Variants in SOBP observed in about 807,000 individuals in gnomAD.
SOBP encodes the protein sine oculis binding protein homolog, also known as sine oculis-binding protein homolog.
In SOBP, 4 loss-of-function variants were observed where a neutral mutation model predicts 53.6. The observed-to-expected ratio is 0.07, with a 90% CI of 0.04 to 0.17. The LOEUF (loss-of-function observed/expected upper bound fraction) is 0.17. SOBP is among the 10% of genes least tolerant of loss of function. SOBP has a pLI of 1.00. For missense variants in SOBP, 1,088 were observed against 1,204.7 expected, an observed-to-expected ratio of 0.90 and a Z score of 1.43; for synonymous variants, 584 against 522.6, an observed-to-expected ratio of 1.12 and a Z score of -1.60.
At chr6:107,501,047 G>T (rs75419684) in intron 1 of SOBP, among the ~76,000 whole-genome samples, 1 of 151,994 alleles carries the variant, frequency 6.6e-6, no homozygotes, top group East Asian at 1.9e-4. Flanking sequence ...AAACATTAAG[G>T]TGTTTATTTT....
chr6:107,634,015 G>A lies in SOBP; in HGVS notation c.1171G>A (p.Gly391Ser). Reference protein sequence around the residue: ...RSPPMVMTNRGPVPLPIFMEQ... With the variant: ...RSPPMVMTNRSPVPLPIFMEQ... ...CCCTCCCATGGTGATGACCAACCGC[G>A]GCCCGGTGCCGCTGCCCATCTTCAT... Residue 391 changes from glycine (G) to serine (S), a missense_variant, in exon 6 of 7, where the codon GGC becomes AGC. Physicochemically the swap from Gly to Ser is moderately conservative, Grantham distance 56. This residue lies in a region of SOBP where 211 missense variants were observed against 258.9 expected (regional missense o/e 0.82). Transcript: ENST00000317357. This position sits in a 1 kb window ranked among gnomAD's most constrained non-coding sequence, Gnocchi z 4.5. 6.2e-7 allele frequency: 1 copy of A among 1,612,774 alleles called. No homozygotes were observed. The highest frequency in any genetic ancestry group is 8.5e-7 in the Non-Finnish European group (1 of 1,179,272).
chr6:107,492,319 T>TG (rs1245524138), intron 1 of SOBP, among the ~76,000 whole-genome samples: 2 of 151,168 alleles, frequency 1.3e-5, no homozygotes, highest in African/African-American at 4.9e-5. Context: ...AGGTTGGGGG[T>TG]GGGGAAGGGG....
intron 6 of SOBP, among the ~76,000 whole-genome samples, chr6:107,654,813 A>C (rs1354039854): frequency 1.1e-5 from 1 of 88,316 alleles, no homozygotes; most frequent in African/African-American, 8.1e-5. Context: ...AGGAGGAATC[A>C]GGGCTCTGAG....
intron 4 of SOBP, among the ~76,000 whole-genome samples, chr6:107,535,637 GT>G (rs1196256220): frequency 2.0e-3 from 275 of 135,270 alleles, no homozygotes; most frequent in African/African-American, 3.2e-3. Context: ...GTGTGTGTGT[GT>G]TTTTTTTTTT....
At position 107,490,702 on chromosome 6, in the gene SOBP, A is replaced by G. The variant is rs1353324593; in HGVS notation, c.86A>G (p.Glu29Gly). ...PAHPVKREIN[E>G]EMKNFAENTM... ...CACCCAGTGAAAAGGGAGATCAATG[A>G]GGAGATGAAGGTATTTTTTGATCTC... The change falls in exon 1 of 7, where the codon GAG (glutamate) becomes GGG (glycine). Residue 29 changes from glutamate (E) to glycine (G), a missense_variant. By Grantham distance (98) the Glu-to-Gly change is moderately conservative. Coordinates refer to ENST00000317357, the MANE Select transcript of SOBP (RefSeq NM_018013.4). 6.2e-7 allele frequency: 1 copy of G among 1,602,804 alleles called. No homozygotes were observed. Among genetic ancestry groups the G allele is most frequent in the Non-Finnish European group, 8.5e-7 (1 of 1,173,938 alleles).
intron 4 of SOBP, 21 bp downstream of exon 4, chr6:107,533,631 G>A: frequency 6.2e-7 from 1 of 1,613,258 alleles, no homozygotes. Context: ...CGGAGAGAGA[G>A]GCGGCCCCCC....
chr6:107,595,748 G>A (rs1785925286), intron 5 of SOBP, among the ~76,000 whole-genome samples: 1 of 152,040 alleles, frequency 6.6e-6, no homozygotes, highest in African/African-American at 2.4e-5. Context: ...AGAGGAAAAG[G>A]GAAAGAGTAT....
chr6:107,526,568 A>T (rs975343530), intron 3 of SOBP, among the ~76,000 whole-genome samples: 8 of 152,034 alleles, frequency 5.3e-5, no homozygotes, highest in African/African-American at 1.9e-4. Context: ...GGCTCTCACA[A>T]CTGTCTGAAC....
In SOBP at chr6:107,532,186, TA is replaced by T. The variant is rs1329335915; in HGVS notation, c.422-1263del. 2.6e-3 allele frequency among the ~76,000 whole-genome samples: 370 copies of T among 143,442 alleles called. 1 individual carries two copies. Among genetic ancestry groups the T allele is most frequent in the African/African-American group, 8.5e-3 (330 of 39,052 alleles). 94.1% of individuals were successfully genotyped at this position (143,442 alleles called of 152,430 possible). On this transcript the variant is annotated intron_variant, in intron 3 of 6. Transcript: ENST00000317357. ...TGTCTGGAGCATGAATGTGGGTTAA[TA>T]AAAAAAAAATTCCATAAAGGAAGAA...
At chr6:107,494,804 A>G (rs1782659650) in intron 1 of SOBP, among the ~76,000 whole-genome samples, 1 of 152,258 alleles carries the variant, frequency 6.6e-6, no homozygotes, top group Non-Finnish European at 1.5e-5. Context: ...GGTCAGGCAC[A>G]TCTGTTAGAG....
chr6:107,609,840 A>G (rs1243286055), intron 5 of SOBP, among the ~76,000 whole-genome samples: 2 of 152,118 alleles, frequency 1.3e-5, no homozygotes, highest in Non-Finnish European at 2.9e-5. Context: ...GGACTGGGCA[A>G]TGGGGTCACG....
chr6:107,649,380 G>A (rs1030732296), intron 6 of SOBP, among the ~76,000 whole-genome samples: 7 of 151,800 alleles, frequency 4.6e-5, no homozygotes, highest in African/African-American at 1.7e-4. Flanking sequence ...AGCTACTTGG[G>A]AGGCTGAGAT....
At chr6:107,529,367 G>A (rs62428409) in intron 3 of SOBP, 82,070 of 752,162 alleles carry the variant, frequency 0.11, 5,094 homozygotes, top group South Asian at 0.26. Flanking sequence ...TCATGGCATG[G>A]GGAACACACA....
intron 4 of SOBP, among the ~76,000 whole-genome samples, chr6:107,585,789 C>G (rs544506979): frequency 5.3e-5 from 8 of 152,248 alleles, no homozygotes; most frequent in Admixed American, 5.2e-4. Flanking sequence ...TAAACACAAG[C>G]AATACATTCT....
chr6:107,650,639 A>G (rs114993174), intron 6 of SOBP, among the ~76,000 whole-genome samples: 1 of 152,338 alleles, frequency 6.6e-6, no homozygotes, highest in African/African-American at 2.4e-5. Context: ...AAACTTAGTC[A>G]ATAAACGTTG....
In SOBP at chr6:107,658,371, C is replaced by G. The variant is rs1030392469; in HGVS notation, c.*168C>G. 6.5e-6 allele frequency: 1 copy of G among 152,700 alleles called. No individual in the cohort carries two copies. Among genetic ancestry groups the G allele is most frequent in the Non-Finnish European group, 1.5e-5 (1 of 68,096 alleles). The allele number at this position is 152,700 out of a possible 1,614,324, so 9.5% of individuals were successfully genotyped here. ...CATCTCAGAGGAAGCAGCCCTCCCT[C>G]GATGGCCTCTAGCCCAGAGAAGCCC... On this transcript the variant is annotated 3_prime_UTR_variant, in exon 7 of 7. Coordinates refer to ENST00000317357, the MANE Select transcript of SOBP (RefSeq NM_018013.4).
At chr6:107,497,529 A>G (rs185505714) in intron 1 of SOBP, among the ~76,000 whole-genome samples, 229 of 152,168 alleles carry the variant, frequency 1.5e-3, no homozygotes, top group African/African-American at 5.2e-3. Flanking sequence ...AAAGCCTGTA[A>G]TTTTCCCACC....
Position 107,635,983 on chromosome 6 carries a change from G to A in SOBP, c.*3+514G>A, listed in dbSNP as rs995004398. Reference sequence around the variant, plus strand: ...GAATGTCACCAAATTTTCTTGATAAGGACGGGATTCCATTTGTAAAGTGAG... The same window carrying A: ...GAATGTCACCAAATTTTCTTGATAAAGACGGGATTCCATTTGTAAAGTGAG... On this transcript the variant is annotated intron_variant, in intron 6 of 6. Transcript: ENST00000317357. The surrounding 1 kb of genome is among the most constrained non-coding windows in gnomAD (Gnocchi z 4.5). Among the ~76,000 whole-genome samples the A allele has an allele frequency of 6.6e-6, 1 of 152,326 alleles. No homozygotes were observed. The highest frequency in any genetic ancestry group is 1.9e-4 in the East Asian group (1 of 5,190).
chr6:107,635,596 G>A lies in SOBP; in HGVS notation c.*3+127G>A. ...GTGTGTGTTTTATATTGCACACGGT[G>A]TGGTCACGCTATCAACATTCTGAGC... On this transcript the variant is annotated intron_variant, in intron 6 of 6. Transcript: ENST00000317357. This position sits in a 1 kb window ranked among gnomAD's most constrained non-coding sequence, Gnocchi z 4.5. The A allele has an allele frequency of 7.8e-7, 1 of 1,288,240 alleles. No individual in the cohort carries two copies. The highest frequency in any genetic ancestry group is 1.2e-5 in the South Asian group (1 of 80,510). 79.8% of individuals were successfully genotyped at this position (1,288,240 alleles called of 1,614,324 possible). A position where few individuals can be genotyped will look rare whatever the true frequency, so the allele number is the denominator to read the frequency against.
Sources: gnomAD v4.1 joint callset for allele counts (sites outside exome capture counted in the v4.1 genomes callset) on GRCh38, gnomAD v4.1.1 for gene constraint, gnomAD v4.1.1 regional missense constraint, Gnocchi (gnomAD v3.1) non-coding constraint, MANE v1.5 for transcripts, NCBI Gene and HGNC (gene_info 2026-07-23, HGNC 2026-07-21) for gene names.